PDE1A: variants seen among roughly 807,000 people sequenced by gnomAD.
PDE1A encodes the protein phosphodiesterase 1A, also known as dual specificity calcium/calmodulin-dependent 3',5'-cyclic nucleotide phosphodiesterase 1A.
Under a neutral mutation model 61.7 loss-of-function variants are expected in PDE1A, and 35 were observed. That is an observed-to-expected ratio of 0.57 (90% confidence interval 0.43 to 0.75). The LOEUF (loss-of-function observed/expected upper bound fraction) is 0.75. PDE1A is among the 30% of genes least tolerant of loss of function. The probability of loss-of-function intolerance (pLI) is 0.00; values close to 1 mark genes in which losing one functional copy is unlikely to be tolerated. For synonymous variants in PDE1A, 232 were observed against 213.2 expected, an observed-to-expected ratio of 1.09 and a Z score of -0.77; for missense variants, 597 against 630.6, an observed-to-expected ratio of 0.95 and a Z score of 0.57.
chr2:182,594,154 C>G, the PDE1A span, among the ~76,000 whole-genome samples: 1 of 152,166 alleles, frequency 6.6e-6, no homozygotes, highest in Non-Finnish European at 1.5e-5. Context: ...GGTTTATGAT[C>G]TAAATATATT....
At chr2:182,597,812 A>T in the PDE1A span, among the ~76,000 whole-genome samples, 1 of 152,212 alleles carries the variant, frequency 6.6e-6, no homozygotes, top group Non-Finnish European at 1.5e-5. Flanking sequence ...CTCAGAAACA[A>T]TCCTTCCACA....
At chr2:182,668,403 T>C in the PDE1A span, among the ~76,000 whole-genome samples, 1 of 151,054 alleles carries the variant, frequency 6.6e-6, no homozygotes, top group African/African-American at 2.4e-5. Flanking sequence ...ACCAGACCAA[T>C]CAACTTCACT....
Position 182,349,582 on chromosome 2 carries a change from A to T in PDE1A, c.53+76996T>A, listed in dbSNP as rs1698735772. Among the ~76,000 whole-genome samples the T allele has an allele frequency of 2.0e-5, 3 of 152,214 alleles. No homozygotes were observed. In the South Asian group the frequency reaches 6.2e-4, roughly 32 times the overall value. On this transcript the variant is annotated intron_variant, in intron 1 of 13. Transcript: ENST00000351439. ...CTGATTAGAAAGATTAAGATTTGTC[A>T]AACTGCATTCCTTCCCAAAGTCATA...
At position 182,460,846 on chromosome 2, in the gene PDE1A, T is replaced by C. The variant is rs79384866; in HGVS notation, c.101+61430A>G. 9.2e-5 allele frequency among the ~76,000 whole-genome samples: 14 copies of C among 152,294 alleles called. No individual in the cohort carries two copies. In the East Asian group the frequency reaches 2.5e-3, roughly 27 times the overall value. On this transcript the variant is annotated intron_variant, in intron 2 of 14. Coordinates refer to the PDE1A transcript ENST00000410103. ...GGTGCAAAAGTAATTGTAGTTTTTG[T>C]TATTGCTTTTAATGGCAAAAACTGC...
At chr2:182,529,418 A>G in the PDE1A span, among the ~76,000 whole-genome samples, 1 of 152,166 alleles carries the variant, frequency 6.6e-6, no homozygotes, top group Non-Finnish European at 1.5e-5. Context: ...TACCCCCATC[A>G]TATCTAGAAA....
chr2:182,688,863 G>C, the PDE1A span, among the ~76,000 whole-genome samples: 2 of 152,028 alleles, frequency 1.3e-5, no homozygotes, highest in Non-Finnish European at 2.9e-5. Context: ...AACAAAAAAA[G>C]GCAGGGGTTG....
At chr2:182,437,341 C>A (rs561573305) in intron 2 of PDE1A, among the ~76,000 whole-genome samples, 10 of 151,998 alleles carry the variant, frequency 6.6e-5, no homozygotes, top group African/African-American at 2.2e-4. Context: ...TATTTGCAAC[C>A]ACCCAAACCG....
chr2:182,201,096 A>T (rs1467988621), intron 10 of PDE1A, among the ~76,000 whole-genome samples: 1 of 152,160 alleles, frequency 6.6e-6, no homozygotes, highest in African/African-American at 2.4e-5. Context: ...CAGAACTGTT[A>T]TATATCCTTA....
intron 2 of PDE1A, among the ~76,000 whole-genome samples, chr2:182,485,641 A>T (rs142608887): frequency 0.012 from 1,882 of 152,166 alleles, 25 homozygotes; most frequent in South Asian, 0.042. Context: ...AGAATGATAC[A>T]ACACATCCAA....
chr2:182,478,457 A>G (rs1687509780), intron 2 of PDE1A, among the ~76,000 whole-genome samples: 1 of 151,868 alleles, frequency 6.6e-6, no homozygotes, highest in African/African-American at 2.4e-5. Flanking sequence ...TAATAGATGA[A>G]CAGTATCTTA....
intron 7 of PDE1A, among the ~76,000 whole-genome samples, chr2:182,220,456 A>G (rs1688623574): frequency 6.6e-6 from 1 of 152,082 alleles, no homozygotes; most frequent in Non-Finnish European, 1.5e-5. Flanking sequence ...TGTGTTTTTG[A>G]ACCAGATTTA....
At chr2:182,506,809 T>A (rs1030368435) in intron 2 of PDE1A, among the ~76,000 whole-genome samples, 1 of 152,190 alleles carries the variant, frequency 6.6e-6, no homozygotes, top group Non-Finnish European at 1.5e-5. Context: ...ACAGGATGTG[T>A]GGGGAGCCCT....
chr2:182,307,890 A>G (rs1344760768), intron 1 of PDE1A, among the ~76,000 whole-genome samples: 1 of 152,152 alleles, frequency 6.6e-6, no homozygotes, highest in African/African-American at 2.4e-5. Context: ...AAAAGAGATG[A>G]AAGATGACAA....
In PDE1A at chr2:182,468,213, G is replaced by A. The variant is rs189826081; in HGVS notation, c.101+54063C>T. Among the ~76,000 whole-genome samples, 485 of 152,056 alleles carry A rather than the reference G, an allele frequency of 3.2e-3. 8 individuals are homozygous for A. The highest frequency in any genetic ancestry group is 0.011 in the African/African-American group (467 of 41,532). On this transcript the variant is annotated intron_variant, in intron 2 of 14. Transcript: ENST00000410103. Reference sequence around the variant, plus strand: ...AAAAGGTATCTCCGTAGCATGTGATGCTGTTTGATAGCATTTGACTGACAG... The same window carrying A: ...AAAAGGTATCTCCGTAGCATGTGATACTGTTTGATAGCATTTGACTGACAG...
chr2:182,560,761 T>C, the PDE1A span, among the ~76,000 whole-genome samples: 1 of 151,938 alleles, frequency 6.6e-6, no homozygotes, highest in East Asian at 1.9e-4. Flanking sequence ...CCATTCTAAC[T>C]AGTGTGAGAT....
At position 182,238,946 on chromosome 2, in the gene PDE1A, T is replaced by C. The variant is rs536117648; in HGVS notation, c.350+1164A>G. On this transcript the variant is annotated intron_variant, in intron 3 of 13. Coordinates refer to ENST00000351439, the Ensembl canonical transcript of PDE1A. The stretch of plus-strand genomic sequence containing the variant: ...TTTTTTAAACAAAGAAGACAAAATA[T>C]ACATTTCTTTAGCAAATCAAACATA... 2.3e-4 allele frequency among the ~76,000 whole-genome samples: 35 copies of C among 152,342 alleles called. No homozygotes were observed. The South Asian group carries it at 6.6e-3, about 29-fold the overall frequency.
At chr2:182,386,923 C>A (rs1388219281) in intron 1 of PDE1A, among the ~76,000 whole-genome samples, 3 of 152,222 alleles carry the variant, frequency 2.0e-5, no homozygotes, top group Non-Finnish European at 4.4e-5. Flanking sequence ...GAGGCGCACC[C>A]AACAGCTCAC....
At chr2:182,492,557 T>C (rs948281845) in intron 2 of PDE1A, among the ~76,000 whole-genome samples, 2 of 129,722 alleles carry the variant, frequency 1.5e-5, no homozygotes, top group African/African-American at 5.6e-5. Flanking sequence ...CTCCAACCTA[T>C]TGATGAAAAT....
chr2:182,309,136 G>A (rs1695797007), intron 1 of PDE1A, among the ~76,000 whole-genome samples: 1 of 151,832 alleles, frequency 6.6e-6, no homozygotes, highest in South Asian at 2.1e-4. Flanking sequence ...GTAAAAAGTT[G>A]GATATGATTT....
Sources: allele counts gnomAD v4.1 joint callset (sites outside exome capture counted in the v4.1 genomes callset), GRCh38; gene constraint gnomAD v4.1.1; transcripts MANE v1.5; gene names NCBI Gene and HGNC (gene_info 2026-07-23, HGNC 2026-07-21).